The following SLC17A5 variants were observed in gnomAD, a reference collection of about 807,000 sequenced individuals.
SLC17A5 encodes the protein solute carrier family 17 member 5.
Under a neutral mutation model 59.4 loss-of-function variants are expected in SLC17A5, and 47 were observed. The ratio of observed to expected loss-of-function variants is 0.79; its 90% CI spans 0.63 to 1.01. The LOEUF (loss-of-function observed/expected upper bound fraction) is 1.01, where lower values mean the gene tolerates loss of function less well. Ranked by LOEUF, SLC17A5 falls within the 50% of genes least tolerant of loss-of-function variation. The pLI is 0.00. For synonymous variants in SLC17A5, 202 were observed against 210.7 expected (o/e 0.96, Z 0.36); for missense variants, 522 against 595.5 (o/e 0.88, Z 1.28).
At chr6:73,646,314 C>G (rs1769561397) in intron 1 of SLC17A5, among the ~76,000 whole-genome samples, 2 of 152,192 alleles carry the variant, frequency 1.3e-5, no homozygotes, top group South Asian at 4.1e-4. Context: ...ATATGCACAA[C>G]TATACTTAGG....
intron 1 of SLC17A5, 99 bp downstream of exon 1, chr6:73,653,694 G>A: frequency 7.8e-7 from 1 of 1,276,830 alleles, no homozygotes; most frequent in Admixed American, 2.0e-5. Flanking sequence ...CTCCGGTCCC[G>A]CCGGCGCAGG....
Position 73,649,112 on chromosome 6 carries a change from C to T in SLC17A5, c.95-4509G>A, listed in dbSNP as rs573668669. Among the ~76,000 whole-genome samples the T allele has an allele frequency of 1.2e-4, 18 of 152,056 alleles. 1 individual carries two copies. The highest frequency in any genetic ancestry group is 4.1e-4 in the African/African-American group (17 of 41,494). ...TTCCAGGTTCAAGCAATTCTCCTGC[C>T]TCAGCCTCCCGAGTAGCTGGGACTA... On this transcript the variant is annotated intron_variant, in intron 1 of 10. Transcript: ENST00000355773.
rs552812029 is a variant in SLC17A5 at position 73,594,513 on chromosome 6, C to G, written c.*564G>C. 1 of 165,980 alleles carries G rather than the reference C, an allele frequency of 6.0e-6. No homozygotes were observed. The highest frequency in any genetic ancestry group is 5.8e-5 in the Admixed American group (1 of 17,288). The allele number at this position is 165,980 out of a possible 1,614,324, so 10.3% of individuals were successfully genotyped here. On this transcript the variant is annotated 3_prime_UTR_variant, in exon 11 of 11. Coordinates refer to ENST00000355773, the MANE Select transcript of SLC17A5 (RefSeq NM_012434.5). ...TCGACACTGGCTCTGGGCTTGGATG[C>G]TGCCTCTGATAAACGCTGGGCACTC...
In SLC17A5 at chr6:73,641,867, A is replaced by G. The variant is rs1159613595; in HGVS notation, c.349T>C (p.Tyr117His). Residue 117 changes from tyrosine to histidine, a missense_variant, in exon 3 of 11, where the codon TAT becomes CAT. By Grantham distance (83) the Tyr-to-His change is moderately conservative. Transcript: ENST00000355773. ...TQGWILGSFF[Y>H]GYIITQIPGG... ...GGAATCTGTGTGATGATGTAGCCATAAAAAAAGGAACCGAGAATCCATCCT... is the reference window on the plus strand; with the variant it reads ...GGAATCTGTGTGATGATGTAGCCATGAAAAAAGGAACCGAGAATCCATCCT... The G allele has an allele frequency of 6.2e-7, 1 of 1,613,864 alleles. No individual in the cohort carries two copies.
intron 1 of SLC17A5, among the ~76,000 whole-genome samples, chr6:73,646,297 T>G (rs373513543): frequency 6.6e-6 from 1 of 152,220 alleles, no homozygotes; most frequent in African/African-American, 2.4e-5. Flanking sequence ...GACTGAAACA[T>G]TAATGAATAT....
chr6:73,610,231 G>A (rs1399379124), intron 9 of SLC17A5, among the ~76,000 whole-genome samples, 169 bp downstream of exon 9: 1 of 151,958 alleles, frequency 6.6e-6, no homozygotes, highest in African/African-American at 2.4e-5. Flanking sequence ...ATAGGGCTTC[G>A]CCATGTTGGC....
At chr6:73,596,595 G>T (rs537800877) in intron 10 of SLC17A5, among the ~76,000 whole-genome samples, 4 of 152,280 alleles carry the variant, frequency 2.6e-5, no homozygotes, top group East Asian at 3.9e-4. Flanking sequence ...GGTGGATCAC[G>T]CCTGTAATCC....
At chr6:73,595,670 G>A (rs72947457) in intron 10 of SLC17A5, among the ~76,000 whole-genome samples, 2,710 of 152,068 alleles carry the variant, frequency 0.018, 51 homozygotes, top group Non-Finnish European at 0.029. Flanking sequence ...TTAACTTTGT[G>A]GAAATTCATC....
chr6:73,609,604 C>A (rs886193223), intron 9 of SLC17A5, among the ~76,000 whole-genome samples: 1 of 152,132 alleles, frequency 6.6e-6, no homozygotes, highest in Non-Finnish European at 1.5e-5. Context: ...ATGCCAAGTG[C>A]CATGGAGAGC....
At chr6:73,627,056 G>A (rs1025412313) in intron 6 of SLC17A5, among the ~76,000 whole-genome samples, 2 of 150,736 alleles carry the variant, frequency 1.3e-5, no homozygotes, top group African/African-American at 4.9e-5. Context: ...ACAGGCGTGA[G>A]CCACCACGCC....
chr6:73,646,925 C>A (rs1484861261), intron 1 of SLC17A5, among the ~76,000 whole-genome samples: 3 of 152,200 alleles, frequency 2.0e-5, no homozygotes, highest in African/African-American at 7.2e-5. Flanking sequence ...ATCCTCCCAT[C>A]TCAGCCTCCC....
At chr6:73,633,078 T>TG (rs1768832950) in intron 6 of SLC17A5, among the ~76,000 whole-genome samples, 1 of 152,146 alleles carries the variant, frequency 6.6e-6, no homozygotes, top group African/African-American at 2.4e-5. Flanking sequence ...CTTGACCTGC[T>TG]GGACTTAAGC....
chr6:73,646,127 G>A (rs1287196251), intron 1 of SLC17A5, among the ~76,000 whole-genome samples: 1 of 152,140 alleles, frequency 6.6e-6, no homozygotes, highest in East Asian at 1.9e-4. Flanking sequence ...ATGAAAATAT[G>A]TGTGCTTTTA....
chr6:73,601,942 C>G (rs1581955395), intron 9 of SLC17A5, among the ~76,000 whole-genome samples: 1 of 151,944 alleles, frequency 6.6e-6, no homozygotes, highest in African/African-American at 2.4e-5. Context: ...GAGGTGTACC[C>G]AACAGCTCAT....
intron 7 of SLC17A5, chr6:73,618,600 G>A (rs1439626594): frequency 2.1e-6 from 1 of 486,724 alleles, no homozygotes; most frequent in East Asian, 5.0e-5. Context: ...AGCACTAAGA[G>A]CACTCTGAAT....
chr6:73,598,014 G>A (rs1044560067), intron 10 of SLC17A5, among the ~76,000 whole-genome samples: 2 of 152,160 alleles, frequency 1.3e-5, no homozygotes, highest in Non-Finnish European at 2.9e-5. Context: ...TGAGGAATCA[G>A]TCAATAATTA....
chr6:73,604,293 T>C (rs1347537054), intron 9 of SLC17A5, among the ~76,000 whole-genome samples: 1 of 152,212 alleles, frequency 6.6e-6, no homozygotes, highest in African/African-American at 2.4e-5. Flanking sequence ...ATATTTCACT[T>C]GGCCAGGACA....
chr6:73,608,509 T>C (rs1369348646), intron 9 of SLC17A5, among the ~76,000 whole-genome samples: 1 of 152,182 alleles, frequency 6.6e-6, no homozygotes, highest in Non-Finnish European at 1.5e-5. Context: ...GTGATATTAG[T>C]AGGCAGCTGG....
chr6:73,601,149 C>T (rs1276761834), intron 9 of SLC17A5, among the ~76,000 whole-genome samples: 7 of 150,562 alleles, frequency 4.6e-5, no homozygotes, highest in Non-Finnish European at 8.9e-5. Context: ...AGCGTCTCTG[C>T]CCGGCCGCCC....
Sources: gnomAD v4.1 joint callset for allele counts (sites outside exome capture counted in the v4.1 genomes callset) on GRCh38, gnomAD v4.1.1 for gene constraint, MANE v1.5 for transcripts, NCBI Gene and HGNC (gene_info 2026-07-23, HGNC 2026-07-21) for gene names.